Variants in RAPH1 observed in about 807,000 individuals in gnomAD.
The protein encoded by RAPH1 is ras-associated and pleckstrin homology domains-containing protein 1.
In RAPH1, 18 loss-of-function variants were observed where a neutral mutation model predicts 88.1. That is an observed-to-expected ratio of 0.20 (90% CI 0.14 to 0.30). The LOEUF (loss-of-function observed/expected upper bound fraction) is 0.30, where lower values mean the gene tolerates loss of function less well. RAPH1 is among the 10% of genes least tolerant of loss of function. The probability of loss-of-function intolerance (pLI) is 1.00; values close to 1 mark genes in which losing one functional copy is unlikely to be tolerated. For synonymous variants in RAPH1, 587 were observed against 559.0 expected (o/e 1.05, Z -0.71); for missense variants, 1,448 against 1,543.2 (o/e 0.94, Z 1.03).
At chr2:203,509,128 T>C (rs968866674) in intron 1 of RAPH1, among the ~76,000 whole-genome samples, 3 of 147,472 alleles carry the variant, frequency 2.0e-5, no homozygotes, top group Non-Finnish European at 4.5e-5. Context: ...TGGAGTGTGG[T>C]GACACGATCT....
intron 4 of RAPH1, among the ~76,000 whole-genome samples, chr2:203,476,718 A>G (rs1158157901): frequency 6.6e-6 from 1 of 152,242 alleles, no homozygotes; most frequent in South Asian, 2.1e-4. Flanking sequence ...TCAGTTAAGC[A>G]TCAGTGCAGA....
At position 203,441,340 on chromosome 2, in the gene RAPH1, G is replaced by A. The variant is rs766013584; in HGVS notation, c.1850C>T (p.Thr617Ile). 14 of 1,577,802 alleles carry A rather than the reference G, an allele frequency of 8.9e-6. 1 individual carries two copies. The highest frequency in any genetic ancestry group is 3.6e-5 in the South Asian group (3 of 83,156). ...TGAAGGCTGTGAAGCAGTGTAGGGG[G>A]TGACTATCTTAGGTTGCGGGGATAA... ...PPLSPQPKIV[T>I]PYTASQPSPP... The change falls in exon 14 of 14, where the codon ACC (threonine) becomes ATC (isoleucine). Residue 617 changes from threonine (T) to isoleucine (I), a missense_variant. Around this residue, in one of 2 missense-constraint regions of RAPH1, gnomAD observed 935 missense variants for 890.1 expected, o/e 1.05. Transcript: ENST00000319170.
intron 4 of RAPH1, among the ~76,000 whole-genome samples, 155 bp from the exon 5 acceptor site, chr2:203,462,080 A>G (rs140701446): frequency 6.6e-5 from 10 of 152,372 alleles, no homozygotes; most frequent in Non-Finnish European, 1.5e-4. Context: ...CAAAGAGCAG[A>G]CATATTATAA....
At chr2:203,462,316 C>T (rs2098524780) in intron 4 of RAPH1, among the ~76,000 whole-genome samples, 1 of 152,174 alleles carries the variant, frequency 6.6e-6, no homozygotes, top group African/African-American at 2.4e-5. Context: ...TCCACTCCCT[C>T]CAAAGTAAGG....
At chr2:203,528,729 T>C (rs1290224984) in intron 1 of RAPH1, among the ~76,000 whole-genome samples, 1 of 151,922 alleles carries the variant, frequency 6.6e-6, no homozygotes, top group Non-Finnish European at 1.5e-5. Flanking sequence ...TCTAAAAACT[T>C]AGGGTAAAAA....
chr2:203,479,340 AC>A (rs1482392304), intron 4 of RAPH1, among the ~76,000 whole-genome samples: 1 of 152,216 alleles, frequency 6.6e-6, no homozygotes, highest in Non-Finnish European at 1.5e-5. Flanking sequence ...ACGGTGGCTC[AC>A]GCCTGTAATC....
chr2:203,528,770 A>G (rs1457518910), intron 1 of RAPH1, among the ~76,000 whole-genome samples: 2 of 151,968 alleles, frequency 1.3e-5, no homozygotes, highest in Non-Finnish European at 2.9e-5. Context: ...TATTAAGTAC[A>G]CTATTCACAG....
Position 203,506,812 on chromosome 2 carries a change from C to CTATCTAGATA in RAPH1, c.1-11460_1-11459insTATCTAGATA, listed in dbSNP as rs1553630466. Among the ~76,000 whole-genome samples, 15 of 52,210 alleles carry CTATCTAGATA rather than the reference C, an allele frequency of 2.9e-4. 1 individual carries two copies. The highest frequency in any genetic ancestry group is 1.4e-3 in the African/African-American group (13 of 9,392). The allele number at this position is 52,210 out of a possible 152,430, so 34.3% of individuals were successfully genotyped here. ...TATATATCTATATATATATCTATAT[C>CTATCTAGATA]TATATATCTATATATATATCTATAT... is the stretch of plus-strand genomic sequence containing the variant. On this transcript the variant is annotated intron_variant, in intron 1 of 13. Coordinates refer to ENST00000319170, the MANE Select transcript of RAPH1 (RefSeq NM_213589.3).
At chr2:203,447,181 C>CTTTTTTTTTTTTTTTTTT in intron 12 of RAPH1, 1 of 128,036 alleles carries the variant, frequency 7.8e-6, no homozygotes, top group Non-Finnish European at 1.6e-5. Flanking sequence ...TCTTTTCTTT[C>CTTTTTTTTTTTTTTTTTT]TTTTTTTTTT....
At chr2:203,490,350 G>A (rs1196503758) in intron 3 of RAPH1, among the ~76,000 whole-genome samples, 1 of 152,136 alleles carries the variant, frequency 6.6e-6, no homozygotes, top group Non-Finnish European at 1.5e-5. Flanking sequence ...ACTGTTCCAT[G>A]GTTTTAACCA....
chr2:203,535,264 G>T lies in RAPH1; in HGVS notation c.-154C>A. The T allele has an allele frequency of 7.4e-6, 1 of 135,654 alleles. No individual in the cohort carries two copies. Among genetic ancestry groups the T allele is most frequent in the South Asian group, 2.0e-4 (1 of 5,040 alleles). 8.4% of individuals were successfully genotyped at this position (135,654 alleles called of 1,614,324 possible). On this transcript the variant is annotated 5_prime_UTR_variant, in exon 1 of 14. Coordinates refer to ENST00000319170, the MANE Select transcript of RAPH1 (RefSeq NM_213589.3). ...CTCCCGCGCCGCGCGCTCAGTGACT[G>T]ACTGACTGACTGACTGACTGACTGA... is the stretch of plus-strand genomic sequence containing the variant.
At chr2:203,501,015 A>C (rs1688717724) in intron 1 of RAPH1, among the ~76,000 whole-genome samples, 1 of 152,234 alleles carries the variant, frequency 6.6e-6, no homozygotes, top group South Asian at 2.1e-4. Flanking sequence ...AATTCTAAAG[A>C]AAAACATGCA....
chr2:203,444,920 G>A lies in RAPH1; in HGVS notation c.1724C>T (p.Ser575Phe), dbSNP rs941482722. ...GHVRSQSIVS[S>F]VFSEAWKRGT... ...TCGTTTCCAGGCTTCAGAGAATACG[G>A]AGCTCACAATGCTCTGGGAACGGAC... The change falls in exon 13 of 14, where the codon TCC becomes TTC. Residue 575 changes from serine (S) to phenylalanine (F), a missense_variant. Around this residue, in one of 2 missense-constraint regions of RAPH1, gnomAD observed 935 missense variants for 890.1 expected, o/e 1.05. Transcript: ENST00000319170. 5 of 1,614,018 alleles carry A rather than the reference G, an allele frequency of 3.1e-6. No homozygotes were observed. In the African/African-American group the frequency reaches 5.3e-5, roughly 17 times the overall value.
chr2:203,519,073 A>G (rs1471597441), intron 1 of RAPH1, among the ~76,000 whole-genome samples: 1 of 152,222 alleles, frequency 6.6e-6, no homozygotes, highest in Non-Finnish European at 1.5e-5. Context: ...CCAAACATTT[A>G]GTGAAGAAAT....
intron 1 of RAPH1, among the ~76,000 whole-genome samples, chr2:203,532,779 T>C (rs1014718566): frequency 2.0e-5 from 3 of 152,222 alleles, no homozygotes; most frequent in Admixed American, 2.0e-4. Context: ...GAAGCAGTGA[T>C]CTAATCCAAA....
chr2:203,466,300 T>A (rs565146022), intron 4 of RAPH1, among the ~76,000 whole-genome samples: 8 of 152,314 alleles, frequency 5.3e-5, no homozygotes, highest in African/African-American at 1.9e-4. Context: ...ACTCCTAATA[T>A]TTTTATGCTT....
At chr2:203,513,666 C>G (rs188101495) in intron 1 of RAPH1, among the ~76,000 whole-genome samples, 17 of 150,168 alleles carry the variant, frequency 1.1e-4, no homozygotes, top group African/African-American at 3.9e-4. Context: ...GAAACCCCGT[C>G]TCTACTAAAA....
At chr2:203,484,293 C>G (rs1687867857) in intron 4 of RAPH1, among the ~76,000 whole-genome samples, 1 of 152,180 alleles carries the variant, frequency 6.6e-6, no homozygotes, top group Non-Finnish European at 1.5e-5. Flanking sequence ...TAACTGCCAC[C>G]TTGCTGATCG....
intron 4 of RAPH1, among the ~76,000 whole-genome samples, chr2:203,488,608 A>AAC (rs1688097347): frequency 6.7e-6 from 1 of 148,176 alleles, no homozygotes; most frequent in Non-Finnish European, 1.5e-5. Flanking sequence ...AAAAAAAAAA[A>AAC]AAAAAAAAAA....
Sources: gnomAD v4.1 joint callset for allele counts (sites outside exome capture counted in the v4.1 genomes callset) on GRCh38, gnomAD v4.1.1 for gene constraint, gnomAD v4.1.1 regional missense constraint, MANE v1.5 for transcripts, NCBI Gene and HGNC (gene_info 2026-07-23, HGNC 2026-07-21) for gene names.